Variants in METTL16 observed in about 807,000 individuals in gnomAD.
The protein encoded by METTL16 is RNA N(6)-adenosine-methyltransferase METTL16.
METTL16 carries 19 observed loss-of-function variants against 57.9 expected under a neutral mutation model. That is an observed-to-expected ratio of 0.33 (90% CI 0.23 to 0.48). The LOEUF is 0.48. METTL16 is among the 20% of genes least tolerant of loss of function. The pLI, the probability that METTL16 is intolerant of heterozygous loss-of-function variation, is 0.99. For synonymous variants in METTL16, 246 were observed against 255.6 expected (o/e 0.96, Z 0.36); for missense variants, 434 against 691.5 (o/e 0.63, Z 4.18).
chr17:2,447,566 A>G (rs1382001830), intron 6 of METTL16, among the ~76,000 whole-genome samples: 80 of 88,522 alleles, frequency 9.0e-4, no homozygotes, highest in African/African-American at 1.7e-3. Context: ...CGCCCCGTCC[A>G]GGAGGGAGGT....
intron 4 of METTL16, among the ~76,000 whole-genome samples, chr17:2,468,862 TG>T (rs2067218541): frequency 1.3e-5 from 2 of 151,886 alleles, no homozygotes; most frequent in Admixed American, 1.3e-4. Flanking sequence ...CACACCGGCA[TG>T]GATGACAGAG....
chr17:2,444,994 G>A (rs1190882623), intron 6 of METTL16, among the ~76,000 whole-genome samples: 3 of 151,984 alleles, frequency 2.0e-5, no homozygotes, highest in Non-Finnish European at 2.9e-5. Flanking sequence ...GGAATTAGAG[G>A]TGCATGCCAC....
intron 8 of METTL16, among the ~76,000 whole-genome samples, chr17:2,437,223 A>C (rs1049540858): frequency 2.0e-5 from 3 of 152,178 alleles, no homozygotes; most frequent in African/African-American, 7.2e-5. Context: ...AAAATGTTCT[A>C]GCACACACAA....
intron 7 of METTL16, 73 bp from the exon 8 acceptor site, chr17:2,438,271 G>T: frequency 9.3e-7 from 1 of 1,079,804 alleles, no homozygotes; most frequent in Non-Finnish European, 1.4e-6. Flanking sequence ...GCTGCGTCAT[G>T]CCATATTATG....
intron 7 of METTL16, among the ~76,000 whole-genome samples, chr17:2,438,667 A>G (rs2066925558): frequency 6.6e-6 from 1 of 151,986 alleles, no homozygotes; most frequent in Non-Finnish European, 1.5e-5. Flanking sequence ...ACGCCCAGCT[A>G]ATTTTTGTAT....
chr17:2,489,381 G>A (rs919865697), intron 2 of METTL16, among the ~76,000 whole-genome samples: 8 of 152,014 alleles, frequency 5.3e-5, no homozygotes, highest in East Asian at 1.9e-4. Context: ...TCGGCCGGGC[G>A]CAGTGGCTCA....
chr17:2,492,835 T>C (rs527741180), intron 2 of METTL16, among the ~76,000 whole-genome samples: 30 of 144,216 alleles, frequency 2.1e-4, no homozygotes, highest in African/African-American at 7.4e-4. Flanking sequence ...GAGGCAGAGG[T>C]TGCAGTGAGC....
intron 5 of METTL16, among the ~76,000 whole-genome samples, chr17:2,465,543 T>TTCCC (rs1242947632): frequency 2.3e-5 from 2 of 87,298 alleles, no homozygotes; most frequent in South Asian, 4.6e-4. Context: ...CAAGACTCCA[T>TTCCC]CTCAAAAAAA....
intron 6 of METTL16, among the ~76,000 whole-genome samples, chr17:2,442,433 G>A (rs1312666182): frequency 6.6e-6 from 1 of 151,950 alleles, no homozygotes; most frequent in African/African-American, 2.4e-5. Flanking sequence ...AGATGCTGAC[G>A]GAGTTACGAT....
intron 8 of METTL16, among the ~76,000 whole-genome samples, chr17:2,425,654 T>C (rs2066812205): frequency 6.6e-6 from 1 of 151,668 alleles, no homozygotes; most frequent in South Asian, 2.1e-4. Flanking sequence ...TTTTAAAATA[T>C]GCTACGTAGC....
intron 2 of METTL16, among the ~76,000 whole-genome samples, chr17:2,499,967 T>G (rs768546874): frequency 6.6e-6 from 1 of 152,184 alleles, no homozygotes; most frequent in Non-Finnish European, 1.5e-5. Context: ...TTGGCCAGGC[T>G]GGTCTTGAAC....
At chr17:2,448,171 C>T (rs1597448734) in intron 6 of METTL16, among the ~76,000 whole-genome samples, 1 of 148,594 alleles carries the variant, frequency 6.7e-6, no homozygotes, top group African/African-American at 2.4e-5. Context: ...AGGTGAGGGG[C>T]GCCTCTGCCC....
chr17:2,451,084 G>A (rs1466683827), intron 6 of METTL16, among the ~76,000 whole-genome samples: 2 of 152,092 alleles, frequency 1.3e-5, no homozygotes. Flanking sequence ...TTAAAAGTAT[G>A]AAAAATACTA....
chr17:2,453,468 G>A (rs1007591528), intron 6 of METTL16, among the ~76,000 whole-genome samples: 1 of 152,176 alleles, frequency 6.6e-6, no homozygotes, highest in Non-Finnish European at 1.5e-5. Context: ...ATTGGATTCA[G>A]ATGACACATT....
chr17:2,480,488 G>A (rs1597463358), intron 2 of METTL16, among the ~76,000 whole-genome samples: 1 of 152,170 alleles, frequency 6.6e-6, no homozygotes, highest in East Asian at 1.9e-4. Flanking sequence ...TGGAAGCAAT[G>A]ACGCTCCCAT....
intron 6 of METTL16, among the ~76,000 whole-genome samples, chr17:2,449,332 G>A (rs1051339517): frequency 1.3e-5 from 2 of 152,030 alleles, no homozygotes; most frequent in Non-Finnish European, 2.9e-5. Flanking sequence ...ATAAACTGAT[G>A]CTAAAATTTA....
rs904286673 is a variant in METTL16, at chr17:2,487,031, A to G, written c.129-9146T>C. Among the ~76,000 whole-genome samples, 4 of 144,598 alleles carry G rather than the reference A, an allele frequency of 2.8e-5. No homozygotes were observed. The South Asian group carries it at 6.6e-4, about 24-fold the overall frequency. 94.9% of individuals were successfully genotyped at this position (144,598 alleles called of 152,430 possible). The stretch of plus-strand genomic sequence containing the variant: ...AAAAAAAAAAAAAAAAAAAAAGGCT[A>G]TATCTAGATAAAGGTAGCAATGGCA... On this transcript the variant is annotated intron_variant, in intron 2 of 9. Transcript: ENST00000263092.
chr17:2,478,309 C>T (rs1567899525), intron 2 of METTL16, among the ~76,000 whole-genome samples: 1 of 152,160 alleles, frequency 6.6e-6, no homozygotes. Flanking sequence ...AACTATTTTA[C>T]AAATGCTAGC....
At chr17:2,477,993 G>C (rs1295058064) in intron 2 of METTL16, 108 bp from the exon 3 acceptor site, 1 of 826,628 alleles carries the variant, frequency 1.2e-6, no homozygotes, top group Non-Finnish European at 2.0e-6. Flanking sequence ...CTCCCAGGGA[G>C]ATCACACACA....
Sources: gnomAD v4.1 joint callset for allele counts (sites outside exome capture counted in the v4.1 genomes callset) on GRCh38, gnomAD v4.1.1 for gene constraint, MANE v1.5 for transcripts, NCBI Gene and HGNC (gene_info 2026-07-23, HGNC 2026-07-21) for gene names.